Variants in PKP4 observed in about 807,000 individuals in gnomAD.
PKP4 encodes the protein plakophilin 4, also known as plakophilin-4.
In PKP4, 90 loss-of-function variants were observed where a neutral mutation model predicts 145.1. The observed-to-expected ratio is 0.62, with a 90% CI of 0.52 to 0.74. The LOEUF is 0.74. Ranked by LOEUF, PKP4 falls within the 30% of genes least tolerant of loss-of-function variation. PKP4 has a pLI of 0.00. For missense variants in PKP4, 1,340 were observed against 1,482.7 expected (o/e 0.90, Z 1.58); for synonymous variants, 563 against 577.2 (o/e 0.98, Z 0.35).
intron 7 of PKP4, among the ~76,000 whole-genome samples, 177 bp downstream of exon 7, chr2:158,625,604 A>G (rs1170887360): frequency 6.6e-6 from 1 of 152,166 alleles, no homozygotes; most frequent in Non-Finnish European, 1.5e-5. Context: ...AATACATGAA[A>G]TTATATACAT....
rs145914222 is a variant in PKP4, at chr2:158,542,913, T to C, written c.132+9597T>C. On this transcript the variant is annotated intron_variant, in intron 2 of 21. Transcript: ENST00000389759. Reference sequence around the variant, plus strand: ...TGATCTCTATGGAATAGAAATCCAATAGGAGACTAACAGCTAACAATTATT... The same window carrying C: ...TGATCTCTATGGAATAGAAATCCAACAGGAGACTAACAGCTAACAATTATT... Among the ~76,000 whole-genome samples the C allele has an allele frequency of 4.4e-4, 67 of 152,312 alleles. 1 individual carries two copies. The South Asian group carries it at 6.8e-3, about 16-fold the overall frequency.
chr2:158,556,616 G>A (rs780207578), intron 2 of PKP4, among the ~76,000 whole-genome samples: 41 of 151,178 alleles, frequency 2.7e-4, no homozygotes, highest in African/African-American at 7.1e-4. Context: ...TCACTGTAAC[G>A]GATGCTGGAT....
At chr2:158,678,202 A>G (rs1480552566) in intron 20 of PKP4, among the ~76,000 whole-genome samples, 1 of 152,230 alleles carries the variant, frequency 6.6e-6, no homozygotes, top group Non-Finnish European at 1.5e-5. Context: ...GCCGTAGCTC[A>G]GAGCCCTGGA....
intron 11 of PKP4, among the ~76,000 whole-genome samples, chr2:158,643,002 G>A (rs769073712): frequency 2.4e-4 from 37 of 152,278 alleles, no homozygotes; most frequent in Non-Finnish European, 4.7e-4. Flanking sequence ...AGTAAATCTA[G>A]TTGTATTAAA....
At chr2:158,509,947 CAA>C (rs11404706) in intron 1 of PKP4, among the ~76,000 whole-genome samples, 8 of 134,150 alleles carry the variant, frequency 6.0e-5, no homozygotes, top group African/African-American at 5.5e-5. Context: ...AACTCCATCT[CAA>C]AAAAAAAAAA....
intron 11 of PKP4, among the ~76,000 whole-genome samples, chr2:158,649,563 T>C (rs972330390): frequency 1.3e-5 from 2 of 152,186 alleles, no homozygotes; most frequent in Non-Finnish European, 2.9e-5. Context: ...TGATTTTAGG[T>C]CTTGCGTCTA....
intron 12 of PKP4, 24 bp downstream of exon 12, chr2:158,658,338 C>T (rs1273810770): frequency 4.2e-6 from 6 of 1,431,714 alleles, no homozygotes; most frequent in Non-Finnish European, 5.8e-6. Flanking sequence ...TTCTTCTTTC[C>T]AGTTAATTCT....
At chr2:158,616,418 G>A (rs2051627110) in intron 4 of PKP4, among the ~76,000 whole-genome samples, 1 of 152,198 alleles carries the variant, frequency 6.6e-6, no homozygotes, top group Non-Finnish European at 1.5e-5. Flanking sequence ...TGGTCCTACA[G>A]GAAAGGAGAG....
At chr2:158,458,775 T>C (rs1428846150) in intron 1 of PKP4, among the ~76,000 whole-genome samples, 1 of 152,190 alleles carries the variant, frequency 6.6e-6, no homozygotes, top group Non-Finnish European at 1.5e-5. Flanking sequence ...GAAGCACTGT[T>C]CGGTCAGCGA....
intron 9 of PKP4, among the ~76,000 whole-genome samples, chr2:158,639,117 A>G (rs555550355): frequency 7.7e-4 from 118 of 152,366 alleles, no homozygotes; most frequent in Non-Finnish European, 1.5e-3. Flanking sequence ...AGGCAACAGT[A>G]AAGGTAAATG....
chr2:158,627,259 T>G (rs1207031877), intron 7 of PKP4, among the ~76,000 whole-genome samples: 1 of 152,186 alleles, frequency 6.6e-6, no homozygotes, highest in East Asian at 1.9e-4. Flanking sequence ...TCTGAGGACT[T>G]CCATATTCCC....
At position 158,592,969 on chromosome 2, in the gene PKP4, A is replaced by G. The variant is rs188287840; in HGVS notation, c.246-10101A>G. Reference sequence around the variant, plus strand: ...GTGCCCAGTCTCACATAGAACAAATAGAAAAACAGGGCCCTTTTCTTGTTC... The same window carrying G: ...GTGCCCAGTCTCACATAGAACAAATGGAAAAACAGGGCCCTTTTCTTGTTC... On this transcript the variant is annotated intron_variant, in intron 3 of 21. Coordinates refer to ENST00000389759, the MANE Select transcript of PKP4 (RefSeq NM_003628.6). Among the ~76,000 whole-genome samples the G allele has an allele frequency of 2.4e-3, 371 of 152,344 alleles. 4 individuals carry two copies. Among genetic ancestry groups the G allele is most frequent in the Admixed American group, 6.1e-3 (94 of 15,296 alleles).
At position 158,552,975 on chromosome 2, in the gene PKP4, C is replaced by T. The variant is rs147809712; in HGVS notation, c.132+19659C>T. On this transcript the variant is annotated intron_variant, in intron 2 of 21. Coordinates refer to ENST00000389759, the MANE Select transcript of PKP4 (RefSeq NM_003628.6). ...GCGATAGCCACAGAGAGTAATGAAG[C>T]GAAGTGCAGTGAAACAAGATATGCC... is the stretch of plus-strand genomic sequence containing the variant. 8.7e-3 allele frequency among the ~76,000 whole-genome samples: 1,317 copies of T among 152,124 alleles called. 10 individuals are homozygous for T. The highest frequency in any genetic ancestry group is 0.039 in the South Asian group (190 of 4,812).
Position 158,462,276 on chromosome 2 carries a change from G to A in PKP4, c.-6+5058G>A, listed in dbSNP as rs79638668. On this transcript the variant is annotated intron_variant, in intron 1 of 21. Transcript: ENST00000389759. ...CAAACCATTTAATGTTTGGATGATA[G>A]CTTCCTCCTTTTAAAAATACAATTT... is the stretch of plus-strand genomic sequence containing the variant. 6.4e-3 allele frequency among the ~76,000 whole-genome samples: 965 copies of A among 151,928 alleles called. 7 individuals are homozygous for A. Among genetic ancestry groups the A allele is most frequent in the Middle Eastern group, 0.017 (5 of 292 alleles).
At chr2:158,497,999 A>G (rs1405345540) in intron 1 of PKP4, among the ~76,000 whole-genome samples, 1 of 152,210 alleles carries the variant, frequency 6.6e-6, no homozygotes, top group Non-Finnish European at 1.5e-5. Context: ...TGTGGTAGAA[A>G]AAGAATGAAG....
intron 8 of PKP4, among the ~76,000 whole-genome samples, chr2:158,633,672 G>A (rs191716426): frequency 6.6e-6 from 1 of 152,316 alleles, no homozygotes; most frequent in Non-Finnish European, 1.5e-5. Flanking sequence ...TACACGAAGT[G>A]TTAAAATTTT....
intron 1 of PKP4, among the ~76,000 whole-genome samples, chr2:158,498,150 TTTG>T (rs1449557546): frequency 2.0e-5 from 3 of 152,170 alleles, no homozygotes; most frequent in Admixed American, 6.5e-5. Context: ...ATTTTTATTT[TTTG>T]TTATTTTTAT....
At chr2:158,548,056 C>G (rs1275868553) in intron 2 of PKP4, among the ~76,000 whole-genome samples, 1 of 152,102 alleles carries the variant, frequency 6.6e-6, no homozygotes, top group South Asian at 2.1e-4. Flanking sequence ...TCCACTATGA[C>G]TAGAATAAAG....
rs577708131 is a variant in PKP4 at position 158,473,537 on chromosome 2, C to T, written c.-6+16319C>T. 7.2e-5 allele frequency among the ~76,000 whole-genome samples: 11 copies of T among 152,248 alleles called. No individual in the cohort carries two copies. In the South Asian group the frequency reaches 1.0e-3, roughly 14 times the overall value. On this transcript the variant is annotated intron_variant, in intron 1 of 21. Transcript: ENST00000389759. ...ATGGATGGAGCTGGAGGCTATTATCCTCAGGAAACTAACTCAGGAACAGAA... is the reference window on the plus strand; with the variant it reads ...ATGGATGGAGCTGGAGGCTATTATCTTCAGGAAACTAACTCAGGAACAGAA...
Sources: gnomAD v4.1 joint callset for allele counts (sites outside exome capture counted in the v4.1 genomes callset) on GRCh38, gnomAD v4.1.1 for gene constraint, MANE v1.5 for transcripts, NCBI Gene and HGNC (gene_info 2026-07-23, HGNC 2026-07-21) for gene names.